ALOX5: variants seen among roughly 807,000 people sequenced by gnomAD.
ALOX5 encodes the protein arachidonate 5-lipoxygenase.
ALOX5 carries 64 observed loss-of-function variants against 87.9 expected under a neutral mutation model. The ratio of observed to expected loss-of-function variants is 0.73; its 90% confidence interval spans 0.60 to 0.90. The LOEUF (loss-of-function observed/expected upper bound fraction) is 0.90, where lower values mean the gene tolerates loss of function less well. Among genes scored for constraint, ALOX5 ranks in the 40% least tolerant of loss-of-function variants. The pLI, the probability that ALOX5 is intolerant of heterozygous loss-of-function variation, is 0.00. For synonymous variants in ALOX5, 388 were observed against 355.1 expected (o/e 1.09, Z -1.04); for missense variants, 822 against 907.5 (o/e 0.91, Z 1.21).
At chr10:45,391,833 GAGAAGTGAGGAGCCCCTCCA>G (rs1840280314) in intron 2 of ALOX5, among the ~76,000 whole-genome samples, 2 of 150,926 alleles carry the variant, frequency 1.3e-5, no homozygotes, top group African/African-American at 4.9e-5. Context: ...CGCCCCATCT[GAGAAGTGAGGAGCCCCTCCA>G]TCTGAGAAGT....
At chr10:45,391,452 C>T (rs1244848508) in intron 2 of ALOX5, among the ~76,000 whole-genome samples, 1 of 152,182 alleles carries the variant, frequency 6.6e-6, no homozygotes, top group Non-Finnish European at 1.5e-5. Context: ...ACAACCTCCA[C>T]CTCCCAGCCG....
intron 4 of ALOX5, among the ~76,000 whole-genome samples, chr10:45,417,726 C>T (rs1181954694): frequency 1.3e-5 from 2 of 152,188 alleles, no homozygotes; most frequent in African/African-American, 2.4e-5. Flanking sequence ...AGGGACGCAC[C>T]CGCCCCTGCC....
chr10:45,397,926 T>C (rs1840568486), intron 3 of ALOX5, among the ~76,000 whole-genome samples: 1 of 152,238 alleles, frequency 6.6e-6, no homozygotes, highest in Non-Finnish European at 1.5e-5. Flanking sequence ...CAAATTAATG[T>C]ACACGTTCAA....
intron 1 of ALOX5, among the ~76,000 whole-genome samples, chr10:45,381,832 G>A (rs1364135323): frequency 6.6e-6 from 1 of 152,246 alleles, no homozygotes; most frequent in African/African-American, 2.4e-5. Flanking sequence ...CTTGTCAGGG[G>A]CAGGCCTTCA....
At chr10:45,419,439 G>C (rs1472816895) in intron 4 of ALOX5, among the ~76,000 whole-genome samples, 2 of 152,300 alleles carry the variant, frequency 1.3e-5, no homozygotes, top group East Asian at 3.9e-4. Context: ...AGGGACGGGG[G>C]AGAGGGAACC....
intron 3 of ALOX5, among the ~76,000 whole-genome samples, chr10:45,410,631 G>A (rs1841033451): frequency 6.6e-6 from 1 of 152,100 alleles, no homozygotes; most frequent in Non-Finnish European, 1.5e-5. Context: ...ACTTTTTTAA[G>A]ACCCAAAATC....
chr10:45,419,157 G>T (rs567561875), intron 4 of ALOX5, among the ~76,000 whole-genome samples: 81 of 152,352 alleles, frequency 5.3e-4, no homozygotes, highest in Admixed American at 9.8e-4. Context: ...GGGACAAACT[G>T]GGAGCCGTGA....
At position 45,442,631 on chromosome 10, in the gene ALOX5, G is replaced by A. The variant is rs117819321; in HGVS notation, c.1273-407G>A. 1,617 of 181,242 alleles carry A rather than the reference G, an allele frequency of 8.9e-3. 13 individuals carry two copies. Among genetic ancestry groups the A allele is most frequent in the Middle Eastern group, 0.015 (7 of 460 alleles). The allele number at this position is 181,242 out of a possible 1,614,324, so 11.2% of individuals were successfully genotyped here. On this transcript the variant is annotated intron_variant, in intron 9 of 13. Transcript: ENST00000374391. ...CACACAACAGGCCCTCAACAGAGTT[G>A]CATGGGTCCTGGAAACTGAGGGTCA...
chr10:45,406,575 T>G (rs1018585286), intron 3 of ALOX5, among the ~76,000 whole-genome samples: 5 of 152,246 alleles, frequency 3.3e-5, no homozygotes, highest in Non-Finnish European at 7.3e-5. Context: ...CTAGTTTTCT[T>G]CATGCAGGTC....
chr10:45,393,297 A>C (rs145390687), intron 2 of ALOX5, among the ~76,000 whole-genome samples: 3,303 of 152,364 alleles, frequency 0.022, 55 homozygotes, highest in Non-Finnish European at 0.036. Context: ...AGCTGGTTCA[A>C]CATACACAAA....
Position 45,442,924 on chromosome 10 carries a change from C to T in ALOX5, c.1273-114C>T, listed in dbSNP as rs1041030806. 4 of 1,137,292 alleles carry T rather than the reference C, an allele frequency of 3.5e-6. No homozygotes were observed. In the East Asian group the frequency reaches 9.8e-5, roughly 28 times the overall value. 70.5% of individuals were successfully genotyped at this position (1,137,292 alleles called of 1,614,324 possible). On this transcript the variant is annotated intron_variant, in intron 9 of 13. Coordinates refer to ENST00000374391, the MANE Select transcript of ALOX5 (RefSeq NM_000698.5). ...CCTCCCCCATCTCACAGGACAAGGG[C>T]TTGCACCTCTGCCTGCCTGGCCTCC...
intron 7 of ALOX5, among the ~76,000 whole-genome samples, chr10:45,431,101 G>A (rs995803493): frequency 1.3e-5 from 2 of 152,056 alleles, no homozygotes; most frequent in African/African-American, 4.8e-5. Context: ...TACCCATAAG[G>A]ATAAAGTTTA....
chr10:45,389,554 A>G (rs2132696241), intron 2 of ALOX5, among the ~76,000 whole-genome samples: 1 of 152,348 alleles, frequency 6.6e-6, no homozygotes, highest in South Asian at 2.1e-4. Context: ...TTCTTAAAGA[A>G]AAGAATTTTC....
chr10:45,410,127 G>T (rs1473158408), intron 3 of ALOX5, among the ~76,000 whole-genome samples: 4 of 152,236 alleles, frequency 2.6e-5, no homozygotes, highest in Non-Finnish European at 5.9e-5. Flanking sequence ...GCTCCACTGA[G>T]CTTTTAAAAT....
intron 2 of ALOX5, among the ~76,000 whole-genome samples, chr10:45,390,886 A>T (rs1255756113): frequency 6.6e-6 from 1 of 152,190 alleles, no homozygotes; most frequent in East Asian, 1.9e-4. Flanking sequence ...CCCTTCAAAA[A>T]ATCAATGAGT....
At chr10:45,400,425 C>T (rs541918762) in intron 3 of ALOX5, among the ~76,000 whole-genome samples, 7 of 151,988 alleles carry the variant, frequency 4.6e-5, no homozygotes, top group African/African-American at 7.3e-5. Flanking sequence ...CATGGTGAAA[C>T]CCCATGTCTA....
chr10:45,420,391 G>A (rs1029917924), intron 4 of ALOX5, among the ~76,000 whole-genome samples: 3 of 152,212 alleles, frequency 2.0e-5, no homozygotes, highest in African/African-American at 4.8e-5. Context: ...TTAATACAAA[G>A]CATGAAGTCA....
At chr10:45,388,857 G>C (rs1840094567) in intron 2 of ALOX5, among the ~76,000 whole-genome samples, 1 of 152,254 alleles carries the variant, frequency 6.6e-6, no homozygotes, top group Non-Finnish European at 1.5e-5. Flanking sequence ...ACTTTGACGA[G>C]TTGAGAGAAG....
At chr10:45,413,627 C>T (rs1368846783) in intron 4 of ALOX5, among the ~76,000 whole-genome samples, 5 of 151,982 alleles carry the variant, frequency 3.3e-5, no homozygotes, top group African/African-American at 4.8e-5. Flanking sequence ...AAAGGGTATT[C>T]AATTAGGAAA....
Sources: allele counts gnomAD v4.1 joint callset (sites outside exome capture counted in the v4.1 genomes callset), GRCh38; gene constraint gnomAD v4.1.1; transcripts MANE v1.5; gene names NCBI Gene and HGNC (gene_info 2026-07-23, HGNC 2026-07-21).